Variants in DNAH2 observed in about 807,000 individuals in gnomAD.
DNAH2 encodes the protein dynein axonemal heavy chain 2.
Under a neutral mutation model 523.5 loss-of-function variants are expected in DNAH2, and 323 were observed. That is an observed-to-expected ratio of 0.62 (90% CI 0.56 to 0.68). The LOEUF (loss-of-function observed/expected upper bound fraction) is 0.68. Ranked by LOEUF, DNAH2 falls within the 30% of genes least tolerant of loss-of-function variation. The probability of loss-of-function intolerance (pLI) is 0.00; values close to 1 mark genes in which losing one functional copy is unlikely to be tolerated. For missense variants in DNAH2, 4,907 were observed against 5,701.5 expected, an observed-to-expected ratio of 0.86 and a Z score of 4.49; for synonymous variants, 2,093 against 2,177.4, an observed-to-expected ratio of 0.96 and a Z score of 1.08.
At position 7,740,876 on chromosome 17, in the gene DNAH2, C is replaced by G; in HGVS notation, c.1573C>G (p.Leu525Val). Residue 525 changes from leucine (L) to valine (V), a missense_variant, in exon 11 of 86, where the codon CTG becomes GTG. Transcript: ENST00000572933. ...LYMLFNSELALVNRERNKKWP... is the reference protein window; with the variant it reads ...LYMLFNSELAVVNRERNKKWP... The stretch of plus-strand genomic sequence containing the variant: ...CATGCTGTTCAATAGCGAGCTGGCC[C>G]TGGTGAACCGTGAACGGAACAAGAA... 1.2e-6 allele frequency: 2 copies of G among 1,614,078 alleles called. No individual in the cohort carries two copies. Among genetic ancestry groups the G allele is most frequent in the Non-Finnish European group, 1.7e-6 (2 of 1,179,922 alleles).
chr17:7,743,241 C>G (rs996059959), intron 12 of DNAH2, 99 bp downstream of exon 12: 2 of 1,237,846 alleles, frequency 1.6e-6, no homozygotes, highest in African/African-American at 3.0e-5. Context: ...ATTATTCTCT[C>G]TCTTTCTCAT....
At chr17:7,736,590 C>A (rs2075149185) in intron 7 of DNAH2, among the ~76,000 whole-genome samples, 1 of 152,172 alleles carries the variant, frequency 6.6e-6, no homozygotes, top group Non-Finnish European at 1.5e-5. Flanking sequence ...TAACTCTGGT[C>A]CGAAGGCTCA....
intron 44 of DNAH2, among the ~76,000 whole-genome samples, chr17:7,789,423 C>T (rs2076835901): frequency 6.6e-6 from 1 of 152,032 alleles, no homozygotes; most frequent in African/African-American, 2.4e-5. Context: ...TGCGCTTCAG[C>T]GTGGCAGAGA....
intron 44 of DNAH2, 46 bp from the exon 45 acceptor site, chr17:7,791,870 CT>C (rs2076906501): frequency 1.3e-6 from 2 of 1,577,834 alleles, no homozygotes; most frequent in Non-Finnish European, 1.7e-6. Flanking sequence ...AGATGGACCC[CT>C]GGTCTCTTAC....
intron 64 of DNAH2, 61 bp from the exon 65 acceptor site, chr17:7,817,229 T>C: frequency 6.4e-7 from 1 of 1,556,294 alleles, no homozygotes; most frequent in Non-Finnish European, 8.6e-7. Flanking sequence ...TTCAAAAGCA[T>C]TCCAAGTGTC....
At chr17:7,735,741 A>G (rs1434319995) in intron 7 of DNAH2, among the ~76,000 whole-genome samples, 1 of 151,086 alleles carries the variant, frequency 6.6e-6, no homozygotes, top group African/African-American at 2.4e-5. Flanking sequence ...ACCCAGCTCA[A>G]TTGTTAATTT....
rs553806198 is a variant in DNAH2, at chr17:7,742,852, G to A, written c.1690-76G>A. 1.7e-4 allele frequency: 187 copies of A among 1,101,256 alleles called. 1 individual carries two copies. Among genetic ancestry groups the A allele is most frequent in the Non-Finnish European group, 2.1e-4 (171 of 821,326 alleles). The allele number at this position is 1,101,256 out of a possible 1,614,324, so 68.2% of individuals were successfully genotyped here. A position where few individuals can be genotyped will look rare whatever the true frequency, so the allele number is the denominator to read the frequency against. On this transcript the variant is annotated intron_variant, in intron 11 of 85. Coordinates refer to ENST00000572933, the MANE Select transcript of DNAH2 (RefSeq NM_020877.5). ...GGGGTATGTGCGCATGCGCGCATGT[G>A]TAGGTCTCAGGGAGATGGTGGCCCC...
At chr17:7,829,204 G>A (rs1274359097) in intron 77 of DNAH2, among the ~76,000 whole-genome samples, 1 of 151,982 alleles carries the variant, frequency 6.6e-6, no homozygotes, top group Non-Finnish European at 1.5e-5. Context: ...TAGTAGAGAG[G>A]GGTTTCACCA....
chr17:7,764,698 G>T lies in DNAH2; in HGVS notation c.3336+425G>T, dbSNP rs114487544. Among the ~76,000 whole-genome samples, 1,310 of 150,612 alleles carry T rather than the reference G, an allele frequency of 8.7e-3. 14 individuals are homozygous for T. Among genetic ancestry groups the T allele is most frequent in the African/African-American group, 0.026 (1,047 of 40,940 alleles). ...GCTGGTCTTAAACTCCTGAACTCAA[G>T]CAATCTGCTGACCTCGGCCTCCCAA... On this transcript the variant is annotated intron_variant, in intron 20 of 85. Coordinates refer to ENST00000572933, the MANE Select transcript of DNAH2 (RefSeq NM_020877.5).
chr17:7,808,094 G>A (rs922800523), intron 63 of DNAH2, among the ~76,000 whole-genome samples: 1 of 152,166 alleles, frequency 6.6e-6, no homozygotes, highest in Non-Finnish European at 1.5e-5. Flanking sequence ...CATGAGGCTG[G>A]GCGCCACGGC....
At chr17:7,797,627 G>C (rs538520344) in intron 52 of DNAH2, 53 bp from the exon 53 acceptor site, 9 of 1,613,864 alleles carry the variant, frequency 5.6e-6, no homozygotes, top group Non-Finnish European at 7.6e-6. Flanking sequence ...GAGCCCTGTG[G>C]GGGGAGGCAA....
intron 12 of DNAH2, among the ~76,000 whole-genome samples, chr17:7,746,368 A>G (rs1940407931): frequency 6.6e-6 from 1 of 152,228 alleles, no homozygotes; most frequent in African/African-American, 2.4e-5. Context: ...ATATATGTCT[A>G]CTTAAGTATC....
chr17:7,718,910 T>C (rs1377577654), intron 1 of DNAH2, 111 bp downstream of exon 1: 1 of 152,604 alleles, frequency 6.6e-6, no homozygotes, highest in Non-Finnish European at 1.5e-5. Flanking sequence ...GAAAATCATC[T>C]TGGTTTGCTT....
At chr17:7,744,233 G>T (rs1005057311) in intron 12 of DNAH2, among the ~76,000 whole-genome samples, 1 of 149,442 alleles carries the variant, frequency 6.7e-6, no homozygotes, top group African/African-American at 2.5e-5. Context: ...GGCGGAGGTT[G>T]CAGTGAGCCG....
rs990565440 is a variant in DNAH2, at chr17:7,754,717, G to A, written c.1905-2374G>A. The A allele has an allele frequency of 9.6e-6, 11 of 1,142,892 alleles. No individual in the cohort carries two copies. The highest frequency in any genetic ancestry group is 5.0e-5 in the South Asian group (4 of 80,042). 70.8% of individuals were successfully genotyped at this position (1,142,892 alleles called of 1,614,324 possible). ...AACCTTGGGAAGCTTGCTCGTGCCC[G>A]CATGGCCAAGGGGCTCAGGCTGTGC... On this transcript the variant is annotated intron_variant, in intron 12 of 85. Coordinates refer to ENST00000572933, the MANE Select transcript of DNAH2 (RefSeq NM_020877.5). The surrounding 1 kb of genome is among the most constrained non-coding windows in gnomAD (Gnocchi z 4.6).
In DNAH2 at chr17:7,801,944, A is replaced by C; in HGVS notation, c.8899A>C (p.Met2967Leu). Residue 2967 changes from methionine to leucine, a missense_variant, in exon 58 of 86, where the codon ATG becomes CTG. This residue lies in a region of DNAH2 where 1,851 missense variants were observed against 2,139.4 expected (regional missense o/e 0.87). Transcript: ENST00000572933. The stretch of plus-strand genomic sequence containing the variant: ...GTCAGTAGCTCAGTATTCCCAGAAG[A>C]TGCTGTTGGAACTGCGGAGACACAA... ...HWSVAQYSQK[M>L]LLELRRHNYV... 6.2e-7 allele frequency: 1 copy of C among 1,614,204 alleles called. No homozygotes were observed. Among genetic ancestry groups the C allele is most frequent in the East Asian group, 2.2e-5 (1 of 44,888 alleles).
intron 17 of DNAH2, 23 bp downstream of exon 17, chr17:7,759,961 A>C: frequency 6.2e-7 from 1 of 1,614,166 alleles, no homozygotes; most frequent in Non-Finnish European, 8.5e-7. Context: ...CGGGGAGGGC[A>C]CAAGGCACAG....
In DNAH2 at chr17:7,727,126, C is replaced by A. The variant is rs369384877; in HGVS notation, c.233C>A (p.Pro78His). The change falls in exon 4 of 86, where the codon CCC (proline) becomes CAC (histidine). Residue 78 changes from proline to histidine, a missense_variant. Coordinates refer to ENST00000572933, the MANE Select transcript of DNAH2 (RefSeq NM_020877.5). ...CCCTCTGCTCTCCTTCTGTAGAAGC[C>A]CCTCTTCCTTTCCCGAGCTGCGCTG... Reference protein sequence around the residue: ...ESVEPEADVKPLFLSRAALTG... With the variant: ...ESVEPEADVKHLFLSRAALTG... 24 of 1,559,694 alleles carry A rather than the reference C, an allele frequency of 1.5e-5. No individual in the cohort carries two copies. In the South Asian group the frequency reaches 2.1e-4, roughly 14 times the overall value.
Position 7,821,569 on chromosome 17 carries a change from G to A in DNAH2, c.11142+200G>A, listed in dbSNP as rs1597775631. 6.6e-6 allele frequency among the ~76,000 whole-genome samples: 1 copy of A among 152,142 alleles called. No individual in the cohort carries two copies. Among genetic ancestry groups the A allele is most frequent in the South Asian group, 2.1e-4 (1 of 4,832 alleles). ...TGCCATGCACCCCCTTGCACTCAGC[G>A]CAGGCTGGGCTTTGTGGCATGTCTC... On this transcript the variant is annotated intron_variant, in intron 73 of 85. Transcript: ENST00000572933. The surrounding 1 kb of genome is among the most constrained non-coding windows in gnomAD (Gnocchi z 5.0).
Sources: allele counts gnomAD v4.1 joint callset (sites outside exome capture counted in the v4.1 genomes callset), GRCh38; gene constraint gnomAD v4.1.1; regional missense constraint gnomAD v4.1.1; non-coding constraint Gnocchi (gnomAD v3.1); transcripts MANE v1.5; gene names NCBI Gene and HGNC (gene_info 2026-07-23, HGNC 2026-07-21).